TENM2: variants seen among roughly 807,000 people sequenced by gnomAD.
The protein encoded by TENM2 is teneurin-2.
Under a neutral mutation model 245.2 loss-of-function variants are expected in TENM2, and 52 were observed. That is an observed-to-expected ratio of 0.21 (90% CI 0.17 to 0.27). The LOEUF (loss-of-function observed/expected upper bound fraction) is 0.27, where lower values mean the gene tolerates loss of function less well. Among genes scored for constraint, TENM2 ranks in the 10% least tolerant of loss-of-function variants. The pLI is 1.00. For missense variants in TENM2, 3,046 were observed against 3,666.8 expected, an observed-to-expected ratio of 0.83 and a Z score of 4.37; for synonymous variants, 1,363 against 1,438.9, an observed-to-expected ratio of 0.95 and a Z score of 1.19.
chr5:167,880,743 A>G (rs190389651), intron 3 of TENM2, among the ~76,000 whole-genome samples: 10 of 152,358 alleles, frequency 6.6e-5, no homozygotes, highest in African/African-American at 1.7e-4. Context: ...TGTAAAAACA[A>G]TTCTACAAAT....
At chr5:167,095,214 T>C in the TENM2 span, among the ~76,000 whole-genome samples, 5 of 152,222 alleles carry the variant, frequency 3.3e-5, no homozygotes, top group South Asian at 6.2e-4. Context: ...GATGTTATGA[T>C]GGAAATGAAC....
At chr5:167,064,028 C>G in the TENM2 span, among the ~76,000 whole-genome samples, 67 of 152,278 alleles carry the variant, frequency 4.4e-4, no homozygotes, top group African/African-American at 1.5e-3. Context: ...CGTGATGACT[C>G]TCATCTGTTT....
At chr5:167,342,860 T>G (rs1240691411) in intron 1 of TENM2, among the ~76,000 whole-genome samples, 1 of 23,668 alleles carries the variant, frequency 4.2e-5, no homozygotes, top group Non-Finnish European at 1.0e-4. Flanking sequence ...CCATGATGCA[T>G]TTTTTTTTTT....
At chr5:167,660,765 A>G (rs1325604732) in intron 2 of TENM2, among the ~76,000 whole-genome samples, 1 of 152,142 alleles carries the variant, frequency 6.6e-6, no homozygotes, top group African/African-American at 2.4e-5. Context: ...ACTAGTATCT[A>G]AAGGAAAGTA....
chr5:167,577,113 G>A (rs1476415065), intron 2 of TENM2, among the ~76,000 whole-genome samples: 1 of 152,144 alleles, frequency 6.6e-6, no homozygotes, highest in Non-Finnish European at 1.5e-5. Context: ...CGTCCCAGAG[G>A]AGCCCAGGAA....
At chr5:167,254,631 T>C in the TENM2 span, among the ~76,000 whole-genome samples, 2 of 152,018 alleles carry the variant, frequency 1.3e-5, no homozygotes, top group Non-Finnish European at 2.9e-5. Context: ...ATCTTGACAA[T>C]AAACAAGAAA....
chr5:168,208,319 A>G (rs79976360), intron 19 of TENM2, among the ~76,000 whole-genome samples: 2,486 of 152,306 alleles, frequency 0.016, 32 homozygotes, highest in Non-Finnish European at 0.025. Context: ...GATATTAAAC[A>G]TGCTTTTTTC....
Position 168,257,805 on chromosome 5 carries a change from G to A in TENM2, c.7433-2478G>A, listed in dbSNP as rs911032948. ...TAATTTTTGTATTTTTAGTAGAGACGGAGTTTCACCATGTTGGACAGTCTG... is the reference window on the plus strand; with the variant it reads ...TAATTTTTGTATTTTTAGTAGAGACAGAGTTTCACCATGTTGGACAGTCTG... On this transcript the variant is annotated intron_variant, in intron 27 of 28. Coordinates refer to ENST00000518659, the Ensembl canonical transcript of TENM2. Among the ~76,000 whole-genome samples, 8 of 152,112 alleles carry A rather than the reference G, an allele frequency of 5.3e-5. No homozygotes were observed. In the South Asian group the frequency reaches 8.3e-4, roughly 16 times the overall value.
chr5:167,422,737 C>T (rs1253647588), intron 2 of TENM2, among the ~76,000 whole-genome samples: 1 of 152,058 alleles, frequency 6.6e-6, no homozygotes, highest in Non-Finnish European at 1.5e-5. Flanking sequence ...AAGATACCTC[C>T]ATGAATCCCA....
the TENM2 span, among the ~76,000 whole-genome samples, chr5:167,183,209 A>G: frequency 1.3e-5 from 2 of 152,198 alleles, no homozygotes; most frequent in African/African-American, 2.4e-5. Flanking sequence ...GTCAACCATG[A>G]AAATGATGCT....
At chr5:167,072,166 G>T in the TENM2 span, among the ~76,000 whole-genome samples, 1 of 152,186 alleles carries the variant, frequency 6.6e-6, no homozygotes, top group Non-Finnish European at 1.5e-5. Flanking sequence ...GCCAGACAAG[G>T]CGGGGCTCAT....
chr5:167,783,911 G>T (rs549708907), intron 2 of TENM2, among the ~76,000 whole-genome samples: 1 of 151,970 alleles, frequency 6.6e-6, no homozygotes, highest in Non-Finnish European at 1.5e-5. Context: ...TAGAGGTGCA[G>T]TGTACCCCAA....
At chr5:167,554,630 T>G in intron 2 of TENM2, among the ~76,000 whole-genome samples, 1 of 152,176 alleles carries the variant, frequency 6.6e-6, no homozygotes, top group East Asian at 1.9e-4. Context: ...TACTGCTATT[T>G]TTTGCACTTT....
intron 10 of TENM2, among the ~76,000 whole-genome samples, chr5:168,120,131 T>C (rs1033117080): frequency 6.6e-6 from 1 of 152,188 alleles, no homozygotes; most frequent in Non-Finnish European, 1.5e-5. Context: ...CTACCAAAAG[T>C]CAGCTTCCAT....
chr5:168,133,755 G>A (rs544574169), intron 12 of TENM2, among the ~76,000 whole-genome samples: 7 of 152,124 alleles, frequency 4.6e-5, no homozygotes, highest in South Asian at 2.1e-4. Context: ...GCCCCACTTC[G>A]TCCATTTATA....
At chr5:168,245,573 A>T (rs1220526771) in intron 26 of TENM2, among the ~76,000 whole-genome samples, 1 of 51,418 alleles carries the variant, frequency 1.9e-5, no homozygotes, top group Non-Finnish European at 4.9e-5. Context: ...GAGTGGCGGT[A>T]AAAAAAAAAA....
chr5:167,221,996 T>G, the TENM2 span, among the ~76,000 whole-genome samples: 1 of 152,190 alleles, frequency 6.6e-6, no homozygotes, highest in Non-Finnish European at 1.5e-5. Flanking sequence ...AGGAAAAATT[T>G]GCCGCATAGC....
At chr5:167,969,804 A>G (rs1238264827) in intron 4 of TENM2, among the ~76,000 whole-genome samples, 1 of 152,228 alleles carries the variant, frequency 6.6e-6, no homozygotes, top group Non-Finnish European at 1.5e-5. Flanking sequence ...ATTGAGTCTC[A>G]TGGAATCCAA....
chr5:167,412,322 A>G (rs1762951390), intron 2 of TENM2, among the ~76,000 whole-genome samples: 2 of 152,074 alleles, frequency 1.3e-5, no homozygotes, highest in South Asian at 2.1e-4. Context: ...GACTTGTTAG[A>G]TATGGAAATT....
Sources: allele counts gnomAD v4.1 joint callset (sites outside exome capture counted in the v4.1 genomes callset), GRCh38; gene constraint gnomAD v4.1.1; transcripts MANE v1.5; gene names NCBI Gene and HGNC (gene_info 2026-07-23, HGNC 2026-07-21).